WWOX: variants seen among roughly 807,000 people sequenced by gnomAD.
WWOX encodes WW domain containing oxidoreductase, also known as WW domain-containing oxidoreductase.
WWOX carries 69 observed loss-of-function variants against 46.2 expected under a neutral mutation model. The observed-to-expected ratio is 1.49, with a 90% confidence interval of 1.23 to 1.82. The LOEUF (loss-of-function observed/expected upper bound fraction) is 1.82, where lower values mean the gene tolerates loss of function less well. Among genes scored for constraint, WWOX ranks in the 40% most tolerant of loss-of-function variants. WWOX has a pLI of 0.00. For missense variants in WWOX, 919 were observed against 542.6 expected (o/e 1.69, Z -6.89); for synonymous variants, 359 against 202.6 (o/e 1.77, Z -6.56).
chr16:79,000,758 A>G (rs1044716020), intron 8 of WWOX, among the ~76,000 whole-genome samples: 3 of 152,206 alleles, frequency 2.0e-5, no homozygotes, highest in African/African-American at 7.2e-5. Flanking sequence ...CAGCAGCCAG[A>G]GGAAGCTAAG....
chr16:78,405,554 C>T (rs533117110), intron 6 of WWOX, among the ~76,000 whole-genome samples: 6 of 152,150 alleles, frequency 3.9e-5, no homozygotes, highest in Non-Finnish European at 8.8e-5. Context: ...CATTCTCTAC[C>T]AGACATATTG....
chr16:78,371,163 A>T (rs1489055009), intron 5 of WWOX, among the ~76,000 whole-genome samples: 5 of 152,132 alleles, frequency 3.3e-5, no homozygotes, highest in Admixed American at 1.3e-4. Context: ...GTTGATACGC[A>T]CAGTTCCTCA....
Position 79,187,654 on chromosome 16 carries a change from G to A in WWOX, c.1057-23954G>A, listed in dbSNP as rs532524929. Among the ~76,000 whole-genome samples, 422 of 152,278 alleles carry A rather than the reference G, an allele frequency of 2.8e-3. 4 individuals are homozygous for A. Among genetic ancestry groups the A allele is most frequent in the Non-Finnish European group, 4.5e-3 (308 of 68,012 alleles). ...ACTCCTGACCTCAAGTGATCGGCCT[G>A]CCTCAGCCTCCCACAGTGATGGGAT... On this transcript the variant is annotated intron_variant, in intron 8 of 8. Transcript: ENST00000566780.
intron 8 of WWOX, among the ~76,000 whole-genome samples, chr16:78,651,232 A>G (rs1312212768): frequency 1.3e-5 from 2 of 152,250 alleles, no homozygotes; most frequent in Non-Finnish European, 2.9e-5. Context: ...ACGTGTGTGC[A>G]TCCCTGGCAT....
At chr16:78,653,653 G>T (rs2047015983) in intron 8 of WWOX, among the ~76,000 whole-genome samples, 1 of 152,244 alleles carries the variant, frequency 6.6e-6, no homozygotes, top group Non-Finnish European at 1.5e-5. Flanking sequence ...ATGACCCTGT[G>T]TAGGACAGAG....
At chr16:78,752,782 C>T (rs957677298) in intron 8 of WWOX, among the ~76,000 whole-genome samples, 4 of 152,166 alleles carry the variant, frequency 2.6e-5, no homozygotes, top group Non-Finnish European at 5.9e-5. Context: ...AAGTAGTCTC[C>T]AATAAATTTA....
rs141102157 is a variant in WWOX at position 78,831,005 on chromosome 16, A to G, written c.1057-380603A>G. On this transcript the variant is annotated intron_variant, in intron 8 of 8. Coordinates refer to ENST00000566780, the MANE Select transcript of WWOX (RefSeq NM_016373.4). The stretch of plus-strand genomic sequence containing the variant: ...TTTTAAAGGGCACTAATGATGCAGC[A>G]GTAATCACAGTGCTAGTGGAAGGGG... 1.6e-4 allele frequency among the ~76,000 whole-genome samples: 25 copies of G among 152,346 alleles called. 1 individual carries two copies. The East Asian group carries it at 3.3e-3, about 20-fold the overall frequency.
chr16:78,937,824 T>C (rs1295712466), intron 8 of WWOX, among the ~76,000 whole-genome samples: 1 of 150,956 alleles, frequency 6.6e-6, no homozygotes, highest in Non-Finnish European at 1.5e-5. Flanking sequence ...GGTCTGTTTT[T>C]ACTATGTTGG....
chr16:78,841,403 G>C (rs562180026), intron 8 of WWOX, among the ~76,000 whole-genome samples: 2 of 152,178 alleles, frequency 1.3e-5, no homozygotes, highest in African/African-American at 4.8e-5. Context: ...GATTTTGCCT[G>C]TTTCTTCCAA....
intron 8 of WWOX, among the ~76,000 whole-genome samples, chr16:78,794,062 C>T (rs1452029860): frequency 6.6e-6 from 1 of 152,094 alleles, no homozygotes; most frequent in Non-Finnish European, 1.5e-5. Flanking sequence ...GTCTGTGTCA[C>T]CCCAGCATTC....
At chr16:78,195,252 C>T (rs1830032350) in intron 5 of WWOX, among the ~76,000 whole-genome samples, 2 of 152,172 alleles carry the variant, frequency 1.3e-5, no homozygotes, top group South Asian at 4.2e-4. Context: ...CCAGTGCTGG[C>T]AGACTGACTG....
chr16:78,759,282 G>A (rs1417622925), intron 8 of WWOX, among the ~76,000 whole-genome samples: 1 of 152,202 alleles, frequency 6.6e-6, no homozygotes, highest in Non-Finnish European at 1.5e-5. Context: ...GGAAATAACA[G>A]GATGCCATGC....
At chr16:79,065,824 G>A (rs1466345193) in intron 8 of WWOX, among the ~76,000 whole-genome samples, 2 of 151,198 alleles carry the variant, frequency 1.3e-5, no homozygotes, top group Admixed American at 6.6e-5. Context: ...GCCAGCCCGT[G>A]GGGCTAGAAG....
chr16:78,352,325 T>G (rs565721230), intron 5 of WWOX, among the ~76,000 whole-genome samples: 2 of 152,320 alleles, frequency 1.3e-5, no homozygotes, highest in South Asian at 2.1e-4. Context: ...AGTTACACTT[T>G]ACAGTTTTGG....
intron 8 of WWOX, among the ~76,000 whole-genome samples, chr16:78,700,691 T>C (rs1421409542): frequency 5.9e-5 from 9 of 152,154 alleles, no homozygotes; most frequent in Admixed American, 5.9e-4. Flanking sequence ...TTCCTGGGCC[T>C]GCAGTGAGCC....
chr16:78,412,766 G>C (rs2082712463), intron 6 of WWOX, among the ~76,000 whole-genome samples: 1 of 152,186 alleles, frequency 6.6e-6, no homozygotes, highest in African/African-American at 2.4e-5. Context: ...GATGGTGATA[G>C]AATGGAATTC....
chr16:78,544,671 G>C (rs1484483936), intron 8 of WWOX, among the ~76,000 whole-genome samples: 1 of 152,110 alleles, frequency 6.6e-6, no homozygotes, highest in African/African-American at 2.4e-5. Flanking sequence ...CCGGGAGTTT[G>C]AGACCAGCCT....
At chr16:79,132,900 T>C (rs1034138803) in intron 8 of WWOX, among the ~76,000 whole-genome samples, 6 of 152,206 alleles carry the variant, frequency 3.9e-5, no homozygotes, top group Admixed American at 1.3e-4. Context: ...ACCAGATGGA[T>C]GGAGCACTGG....
intron 8 of WWOX, among the ~76,000 whole-genome samples, chr16:79,037,813 G>C (rs1405741244): frequency 6.6e-6 from 1 of 152,048 alleles, no homozygotes; most frequent in Non-Finnish European, 1.5e-5. Flanking sequence ...AAGGTCAGGA[G>C]ATCTTTCTGC....
Sources: gnomAD v4.1 joint callset for allele counts (sites outside exome capture counted in the v4.1 genomes callset) on GRCh38, gnomAD v4.1.1 for gene constraint, MANE v1.5 for transcripts, NCBI Gene and HGNC (gene_info 2026-07-23, HGNC 2026-07-21) for gene names.